Variants in C12orf42 observed in about 807,000 individuals in gnomAD.
C12orf42 encodes chromosome 12 open reading frame 42, also known as uncharacterized protein C12orf42.
C12orf42 carries 25 observed loss-of-function variants against 21.6 expected under a neutral mutation model. The observed-to-expected ratio is 1.16, with a 90% CI of 0.84 to 1.62. C12orf42 has a LOEUF of 1.62. C12orf42 is among the 40% of genes most tolerant of loss of function. C12orf42 has a pLI of 0.00. For missense variants in C12orf42, 483 were observed against 459.3 expected (o/e 1.05, Z -0.47); for synonymous variants, 174 against 175.0 (o/e 0.99, Z 0.05).
chr12:103,112,003 A>G, the C12orf42 span, among the ~76,000 whole-genome samples: 36 of 152,320 alleles, frequency 2.4e-4, 1 homozygote, highest in African/African-American at 7.5e-4. Context: ...CCAATTTCTG[A>G]TAAGAGTCTG....
At chr12:103,135,470 G>A in the C12orf42 span, among the ~76,000 whole-genome samples, 9 of 142,344 alleles carry the variant, frequency 6.3e-5, no homozygotes, top group African/African-American at 5.2e-5. Context: ...AAGAAAAAAA[G>A]AAAAAGAAAA....
At chr12:103,157,789 T>C in the C12orf42 span, among the ~76,000 whole-genome samples, 1 of 152,186 alleles carries the variant, frequency 6.6e-6, no homozygotes, top group African/African-American at 2.4e-5. Context: ...AGGTGTGTGG[T>C]GTTATTTCTG....
chr12:103,435,288 A>G lies in C12orf42; in HGVS notation c.79-33613T>C, dbSNP rs11111574. Among the ~76,000 whole-genome samples the G allele has an allele frequency of 0.012, 1,814 of 152,298 alleles. 192 individuals are homozygous for G. The East Asian group carries it at 0.25, about 21-fold the overall frequency. On this transcript the variant is annotated intron_variant, in intron 2 of 5. Coordinates refer to ENST00000548883, the MANE Select transcript of C12orf42 (RefSeq NM_198521.5). ...TCAAAGACCAAAAGTAGATAAAACC[A>G]CAAAGATGGGGAAAAAACAGAACAG...
rs138723603 is a variant in C12orf42, at chr12:103,316,100, A to G, written c.260-9755T>C. Among the ~76,000 whole-genome samples the G allele has an allele frequency of 8.7e-3, 1,308 of 149,826 alleles. 13 individuals are homozygous for G. The highest frequency in any genetic ancestry group is 0.03 in the African/African-American group (1,243 of 40,764). The stretch of plus-strand genomic sequence containing the variant: ...TATATAGTACTGTATATATATATAC[A>G]CACACAGTATATATATACACACACA... On this transcript the variant is annotated intron_variant, in intron 4 of 5. Transcript: ENST00000548883.
chr12:103,079,424 T>G, the C12orf42 span, among the ~76,000 whole-genome samples: 1 of 152,138 alleles, frequency 6.6e-6, no homozygotes. Flanking sequence ...CTGATGATAG[T>G]TTTCTAGAAT....
intron 4 of C12orf42, among the ~76,000 whole-genome samples, 152 bp from the exon 5 acceptor site, chr12:103,306,497 TAGG>T (rs1386511065): frequency 6.6e-6 from 1 of 151,888 alleles, no homozygotes; most frequent in African/African-American, 2.4e-5. Flanking sequence ...GGTAGCTGAG[TAGG>T]AGAAGAAGAA....
intron 2 of C12orf42, among the ~76,000 whole-genome samples, chr12:103,446,400 A>T (rs1185852341): frequency 6.6e-6 from 1 of 152,084 alleles, no homozygotes; most frequent in Non-Finnish European, 1.5e-5. Context: ...ACACCAAAAT[A>T]GAACCTCCTT....
At chr12:103,395,476 C>T (rs1768505109) in intron 3 of C12orf42, among the ~76,000 whole-genome samples, 1 of 152,002 alleles carries the variant, frequency 6.6e-6, no homozygotes. Context: ...GCTGGGACTA[C>T]AGGCGCCCAC....
At chr12:103,127,191 C>T in the C12orf42 span, among the ~76,000 whole-genome samples, 1 of 152,130 alleles carries the variant, frequency 6.6e-6, no homozygotes, top group South Asian at 2.1e-4. Context: ...CCAAGAAATG[C>T]CACTTCTGGA....
At chr12:103,391,928 T>C (rs1166068371) in intron 3 of C12orf42, among the ~76,000 whole-genome samples, 1 of 152,170 alleles carries the variant, frequency 6.6e-6, no homozygotes, top group African/African-American at 2.4e-5. Context: ...ATATTTTGCC[T>C]TATGTTTTCT....
chr12:103,256,401 C>T (rs997820896), intron 10 of C12orf42, among the ~76,000 whole-genome samples: 1 of 151,078 alleles, frequency 6.6e-6, no homozygotes, highest in African/African-American at 2.4e-5. Flanking sequence ...AAGGTATGTG[C>T]CCTGATACAA....
At chr12:103,562,156 T>G in the C12orf42 span, among the ~76,000 whole-genome samples, 1 of 152,194 alleles carries the variant, frequency 6.6e-6, no homozygotes, top group Non-Finnish European at 1.5e-5. Context: ...AATTTCCACC[T>G]TTTTACAGTT....
chr12:103,156,406 G>A, the C12orf42 span, among the ~76,000 whole-genome samples: 4 of 152,046 alleles, frequency 2.6e-5, no homozygotes, highest in Non-Finnish European at 5.9e-5. Context: ...TCTCAATGTG[G>A]GTGCAGATTG....
the C12orf42 span, among the ~76,000 whole-genome samples, chr12:103,560,394 A>AAGAGACAGTGGATGCAAGAT: frequency 6.6e-6 from 1 of 152,270 alleles, no homozygotes; most frequent in African/African-American, 2.4e-5. Flanking sequence ...CACATGGGCC[A>AAGAGACAGTGGATGCAAGAT]CATCCATTGA....
At position 103,478,398 on chromosome 12, in the gene C12orf42, C is replaced by A; in HGVS notation, c.29G>T (p.Arg10Met). The change falls in exon 2 of 6, where the codon AGG becomes ATG. Residue 10 changes from arginine to methionine, a missense_variant. Physicochemically the swap from Arg to Met is moderately conservative, Grantham distance 91. Transcript: ENST00000548883. MSTVICMKQ[R>M]EEEFLLTIRP... is the part of the protein sequence containing the mutation. Reference sequence around the variant, plus strand: ...GATGGTTAGCAAGAATTCTTCTTCCCTTTGTTTCATACATATCACTGTAGA... The same window carrying A: ...GATGGTTAGCAAGAATTCTTCTTCCATTTGTTTCATACATATCACTGTAGA... 2 of 1,599,892 alleles carry A rather than the reference C, an allele frequency of 1.3e-6. No homozygotes were observed. Among genetic ancestry groups the A allele is most frequent in the Non-Finnish European group, 1.7e-6 (2 of 1,170,938 alleles).
At chr12:103,543,882 T>G in the C12orf42 span, among the ~76,000 whole-genome samples, 22 of 98,558 alleles carry the variant, frequency 2.2e-4, no homozygotes, top group African/African-American at 1.3e-3. Context: ...GTTTTTGGGT[T>G]TTTTTTTTGT....
At chr12:103,497,098 AT>A (rs939187784), upstream of C12orf42, among the ~76,000 whole-genome samples, 1 of 152,150 alleles carries the variant, frequency 6.6e-6, no homozygotes, top group African/African-American at 2.4e-5. Flanking sequence ...ATTAAAATGC[AT>A]TTTTTTAAAT....
exon 7 of C12orf42, chr12:103,268,624 G>C (rs1044115048): frequency 6.6e-6 from 1 of 152,042 alleles, no homozygotes; most frequent in Non-Finnish European, 1.5e-5. Context: ...AGAAAATGAG[G>C]ACTTGGTATT....
chr12:103,203,362 A>C, the C12orf42 span, among the ~76,000 whole-genome samples: 1 of 152,188 alleles, frequency 6.6e-6, no homozygotes, highest in Non-Finnish European at 1.5e-5. Flanking sequence ...ATCAAAACCT[A>C]TGCAGTGAAA....
Sources: gnomAD v4.1 joint callset for allele counts (sites outside exome capture counted in the v4.1 genomes callset) on GRCh38, gnomAD v4.1.1 for gene constraint, MANE v1.5 for transcripts, NCBI Gene and HGNC (gene_info 2026-07-23, HGNC 2026-07-21) for gene names.